Variants in CUL3 observed in about 807,000 individuals in gnomAD.
The protein encoded by CUL3 is cullin-3.
CUL3 carries 19 observed loss-of-function variants against 89.1 expected under a neutral mutation model. The observed-to-expected ratio is 0.21, with a 90% CI of 0.15 to 0.31. CUL3 has a LOEUF of 0.31. Ranked by LOEUF, CUL3 falls within the 10% of genes least tolerant of loss-of-function variation. CUL3 has a pLI of 1.00. For synonymous variants in CUL3, 351 were observed against 308.4 expected (o/e 1.14, Z -1.45); for missense variants, 469 against 942.3 (o/e 0.50, Z 6.58).
rs1691174261 is a variant in CUL3, at chr2:224,472,690, T to G, written c.*1555A>C. 6 of 193,328 alleles carry G rather than the reference T, an allele frequency of 3.1e-5. No homozygotes were observed. Among genetic ancestry groups the G allele is most frequent in the Non-Finnish European group, 5.4e-5 (5 of 92,460 alleles). 12.0% of individuals were successfully genotyped at this position (193,328 alleles called of 1,614,324 possible). A position where few individuals can be genotyped will look rare whatever the true frequency, so the allele number is the denominator to read the frequency against. Reference sequence around the variant, plus strand: ...TCTACAGTACAGATGGAGACAAAATTGCAATAAAAGCATATTTGCAAGTCT... The same window carrying G: ...TCTACAGTACAGATGGAGACAAAATGGCAATAAAAGCATATTTGCAAGTCT... On this transcript the variant is annotated 3_prime_UTR_variant, in exon 16 of 16. Coordinates refer to ENST00000264414, the MANE Select transcript of CUL3 (RefSeq NM_003590.5).
intron 3 of CUL3, among the ~76,000 whole-genome samples, chr2:224,534,298 AAAC>A (rs1415633525): frequency 6.6e-6 from 1 of 152,182 alleles, no homozygotes; most frequent in African/African-American, 2.4e-5. Context: ...TGACTGATGA[AAAC>A]AAAATACAGC....
intron 5 of CUL3, among the ~76,000 whole-genome samples, chr2:224,513,260 A>G (rs1450949431): frequency 6.6e-6 from 1 of 152,176 alleles, no homozygotes; most frequent in East Asian, 1.9e-4. Context: ...GGGCGTCAGC[A>G]TCCCTATGCC....
At chr2:224,554,213 C>A (rs1053375140) in intron 2 of CUL3, among the ~76,000 whole-genome samples, 13 of 152,202 alleles carry the variant, frequency 8.5e-5, no homozygotes, top group African/African-American at 3.1e-4. Context: ...AAGCTATCTT[C>A]TTCTGCACTT....
At chr2:224,498,795 CT>C (rs1428388455) in intron 11 of CUL3, among the ~76,000 whole-genome samples, 1 of 152,184 alleles carries the variant, frequency 6.6e-6, no homozygotes, top group Non-Finnish European at 1.5e-5. Flanking sequence ...TAAAACCTAG[CT>C]GCTTTCCTGG....
chr2:224,557,560 G>A lies in CUL3; in HGVS notation c.264+99C>T, dbSNP rs531038968. 1.7e-4 allele frequency: 126 copies of A among 755,436 alleles called. No homozygotes were observed. In the South Asian group the frequency reaches 2.7e-3, roughly 16 times the overall value. The allele number at this position is 755,436 out of a possible 1,614,324, so 46.8% of individuals were successfully genotyped here. Reference sequence around the variant, plus strand: ...AATTAGTAATTTCTATAGGCTTCTGGCACCTTTAAAAAGAACACTTCCGGT... The same window carrying A: ...AATTAGTAATTTCTATAGGCTTCTGACACCTTTAAAAAGAACACTTCCGGT... On this transcript the variant is annotated intron_variant, in intron 2 of 15. Coordinates refer to ENST00000264414, the MANE Select transcript of CUL3 (RefSeq NM_003590.5).
Position 224,500,348 on chromosome 2 carries a change from C to G in CUL3, c.1610+15G>C, listed in dbSNP as rs749829768. The G allele has an allele frequency of 5.0e-6, 8 of 1,613,558 alleles. No individual in the cohort carries two copies. The Admixed American group carries it at 1.0e-4, about 20-fold the overall frequency. On this transcript the variant is annotated intron_variant, in intron 11 of 15. Coordinates refer to ENST00000264414, the MANE Select transcript of CUL3 (RefSeq NM_003590.5). ...TTACTTGTACACAGTGATACAAAGT[C>G]TGATTTTGATTTACCTTCTGAATAT...
intron 2 of CUL3, among the ~76,000 whole-genome samples, chr2:224,553,795 C>T (rs954185703): frequency 2.6e-5 from 4 of 152,138 alleles, no homozygotes; most frequent in Non-Finnish European, 4.4e-5. Flanking sequence ...CCTGCAAGCA[C>T]CTTGATCTTG....
intron 15 of CUL3, among the ~76,000 whole-genome samples, chr2:224,475,349 G>C (rs1691277654): frequency 6.6e-6 from 1 of 152,146 alleles, no homozygotes; most frequent in South Asian, 2.1e-4. Flanking sequence ...AAAATAAGTT[G>C]TCTCATTTTA....
chr2:224,502,831 T>A, intron 10 of CUL3, 134 bp downstream of exon 10: 1 of 635,732 alleles, frequency 1.6e-6, no homozygotes, highest in Non-Finnish European at 2.8e-6. Flanking sequence ...GAAAATTAAG[T>A]ACTCACAGAT....
intron 13 of CUL3, among the ~76,000 whole-genome samples, chr2:224,487,537 T>C (rs2106162788): frequency 7.0e-6 from 1 of 142,074 alleles, no homozygotes; most frequent in South Asian, 2.2e-4. Context: ...AAGGGATCAA[T>C]GCAACAAGAA....
chr2:224,532,224 T>C (rs1303696210), intron 3 of CUL3, among the ~76,000 whole-genome samples: 2 of 151,988 alleles, frequency 1.3e-5, no homozygotes, highest in African/African-American at 4.8e-5. Flanking sequence ...CAGAGGCACA[T>C]GAAGCTACAT....
At chr2:224,572,630 GAAAAAA>G (rs67105454) in intron 1 of CUL3, among the ~76,000 whole-genome samples, 4 of 86,298 alleles carry the variant, frequency 4.6e-5, no homozygotes, top group Non-Finnish European at 9.1e-5. Flanking sequence ...GAGAGTGAGA[GAAAAAA>G]AAAAAAAAAA....
In CUL3 at chr2:224,542,495, T is replaced by TTGTGTGTG. The variant is rs10590934; in HGVS notation, c.265-6862_265-6855dup. Among the ~76,000 whole-genome samples, 298 of 150,324 alleles carry TTGTGTGTG rather than the reference T, an allele frequency of 2.0e-3. 4 individuals carry two copies. Among genetic ancestry groups the TTGTGTGTG allele is most frequent in the African/African-American group, 6.9e-3 (280 of 40,854 alleles). Reference sequence around the variant, plus strand: ...AGCACGCGCCAGCACTTCTGGCTTTTTGTGTGTGTGTGTGTGTGTATGTGT... The same window carrying TTGTGTGTG: ...AGCACGCGCCAGCACTTCTGGCTTTTTGTGTGTGTGTGTGTGTGTGTGTGTGTATGTGT... On this transcript the variant is annotated intron_variant, in intron 2 of 15. Transcript: ENST00000264414.
chr2:224,540,445 GAAGAAGAAAGA>G (rs555275523), intron 2 of CUL3, among the ~76,000 whole-genome samples: 39 of 151,474 alleles, frequency 2.6e-4, no homozygotes, highest in African/African-American at 4.1e-4. Context: ...GAGGAAGGAG[GAAGAAGAAAGA>G]AAGAAGAAAG....
chr2:224,478,997 G>A (rs1057154323), intron 14 of CUL3: 1 of 152,118 alleles, frequency 6.6e-6, no homozygotes, highest in Admixed American at 6.5e-5. Flanking sequence ...ATCTTTAGGA[G>A]TCTTACTCTA....
chr2:224,557,298 TTTTA>T (rs1694743141), intron 2 of CUL3, among the ~76,000 whole-genome samples: 1 of 152,132 alleles, frequency 6.6e-6, no homozygotes, highest in African/African-American at 2.4e-5. Flanking sequence ...AACAACGTAG[TTTTA>T]TTGTTTTCAA....
chr2:224,528,405 C>CCCAGGGGTGAG (rs1236585872), intron 3 of CUL3, among the ~76,000 whole-genome samples: 2 of 152,080 alleles, frequency 1.3e-5, no homozygotes, highest in Admixed American at 6.5e-5. Flanking sequence ...TTACATCAGG[C>CCCAGGGGTGAG]CCAGGGGAAC....
chr2:224,504,092 T>C (rs901310261), intron 8 of CUL3: 3 of 276,628 alleles, frequency 1.1e-5, no homozygotes, highest in South Asian at 1.1e-4. Flanking sequence ...TAAGGTAATA[T>C]AGCGCTGGGT....
chr2:224,532,271 G>A (rs550977107), intron 3 of CUL3, among the ~76,000 whole-genome samples: 1 of 152,158 alleles, frequency 6.6e-6, no homozygotes, highest in East Asian at 1.9e-4. Context: ...GAACAACTAG[G>A]ACTAAACCCC....
Sources: gnomAD v4.1 joint callset for allele counts (sites outside exome capture counted in the v4.1 genomes callset) on GRCh38, gnomAD v4.1.1 for gene constraint, MANE v1.5 for transcripts, NCBI Gene and HGNC (gene_info 2026-07-23, HGNC 2026-07-21) for gene names.